Variants in MAPK12 observed in about 807,000 individuals in gnomAD.
MAPK12 encodes the protein mitogen-activated protein kinase 12.
In MAPK12, 49 loss-of-function variants were observed where a neutral mutation model predicts 49.1. The observed-to-expected ratio is 1.00, with a 90% CI of 0.79 to 1.27. The LOEUF is 1.27. Among genes scored for constraint, MAPK12 ranks in the 50% most tolerant of loss-of-function variants. The probability of loss-of-function intolerance (pLI) is 0.00; values close to 1 mark genes in which losing one functional copy is unlikely to be tolerated. For synonymous variants in MAPK12, 251 were observed against 209.7 expected (o/e 1.20, Z -1.70); for missense variants, 554 against 502.4 (o/e 1.10, Z -0.98).
Position 50,255,207 on chromosome 22 carries a change from A to T in MAPK12, c.1014T>A (p.Asp338Glu). 1 of 1,613,664 alleles carries T rather than the reference A, an allele frequency of 6.2e-7. No individual in the cohort carries two copies. The highest frequency in any genetic ancestry group is 8.5e-7 in the Non-Finnish European group (1 of 1,179,948). Residue 338 changes from aspartate (D) to glutamate (E), a missense_variant, in exon 11 of 12, where the codon GAT (aspartate) becomes GAA (glutamate). Transcript: ENST00000215659. ...DSFDDVDRTL[D>E]EWKRVTYKEV... ...GAGCCCCCCACTCACGCTTCCATTC[A>T]TCCAGTGTGCGGTCAACGTCGTCAA...
chr22:50,257,721 C>T, intron 3 of MAPK12: 1 of 632,340 alleles, frequency 1.6e-6, no homozygotes, highest in Admixed American at 2.6e-5. Flanking sequence ...AGGCCACTGA[C>T]TTGACCTCTG....
intron 11 of MAPK12, chr22:50,254,503 T>C (rs1457855973): frequency 8.3e-6 from 2 of 242,352 alleles, no homozygotes; most frequent in African/African-American, 4.7e-5. Flanking sequence ...ATACAAAAAA[T>C]TAGCCAGGCC....
Position 50,256,928 on chromosome 22 carries a change from G to T in MAPK12, c.456+7C>A. 2 of 1,606,032 alleles carry T rather than the reference G, an allele frequency of 1.2e-6. No individual in the cohort carries two copies. Among genetic ancestry groups the T allele is most frequent in the East Asian group, 2.2e-5 (1 of 44,726 alleles). The stretch of plus-strand genomic sequence containing the variant: ...GGCTGATGAGCGGCTTCTCCACCGG[G>T]ACTCACTCTGTGGATGATGCCGGCA... On this transcript the variant is annotated splice_region_variant and intron_variant, in intron 5 of 11. Transcript: ENST00000215659.
At position 50,256,188 on chromosome 22, in the gene MAPK12, G is replaced by C; in HGVS notation, c.516C>G (p.Phe172Leu). ...CACTGTCTGCCTGCCTGGCCAGGCC[G>C]AAGTCCAGGATCTGTGGGAAGAATT... ...NEDCELKILD[F>L]GLARQADSEM... is the part of the protein sequence containing the mutation. The change falls in exon 7 of 12, where the codon TTC (phenylalanine) becomes TTG (leucine). Residue 172 changes from phenylalanine (F) to leucine (L), a missense_variant. Physicochemically the swap from Phe to Leu is conservative, Grantham distance 22. Transcript: ENST00000215659. 6.2e-7 allele frequency: 1 copy of C among 1,612,124 alleles called. No individual in the cohort carries two copies. Among genetic ancestry groups the C allele is most frequent in the South Asian group, 1.1e-5 (1 of 91,028 alleles).
intron 3 of MAPK12, chr22:50,257,534 G>A (rs1162438220): frequency 5.7e-6 from 3 of 525,492 alleles, no homozygotes; most frequent in Non-Finnish European, 1.0e-5. Flanking sequence ...AGAGGCAGCA[G>A]GACTCGAGTC....
At chr22:50,253,635 G>A (rs2065120990) in intron 11 of MAPK12, 155 bp from the exon 12 acceptor site, 2 of 618,098 alleles carry the variant, frequency 3.2e-6, no homozygotes, top group East Asian at 5.5e-5. Context: ...TGTGTGAAGA[G>A]GCCATTGCTC....
Position 50,261,475 on chromosome 22 carries a change from TA to T in MAPK12, c.34del (p.Tyr12ThrfsTer5), listed in dbSNP as rs1443123026. 1.0e-5 allele frequency: 13 copies of T among 1,269,408 alleles called. No homozygotes were observed. Among genetic ancestry groups the T allele is most frequent in the South Asian group, 3.3e-5 (2 of 60,790 alleles). 78.6% of individuals were successfully genotyped at this position (1,269,408 alleles called of 1,614,324 possible). A position where few individuals can be genotyped will look rare whatever the true frequency, so the allele number is the denominator to read the frequency against. Reference sequence around the variant, plus strand: ...GGCCGTCTTGGTCACCTCCTGGCGGTAAAAGCCACTGCGGGCGGGCGGCGGA... The same window carrying T: ...GGCCGTCTTGGTCACCTCCTGGCGGTAAAGCCACTGCGGGCGGGCGGCGGA... ...SSPPPARSGF[Y>X]RQEVTKTAWE... On this transcript the variant is annotated frameshift_variant, in exon 1 of 12. Coordinates refer to ENST00000215659, the MANE Select transcript of MAPK12 (RefSeq NM_002969.6). LOFTEE classifies it high-confidence loss of function.
At chr22:50,260,430 G>C (rs2065199524) in intron 2 of MAPK12, among the ~76,000 whole-genome samples, 1 of 152,102 alleles carries the variant, frequency 6.6e-6, no homozygotes, top group African/African-American at 2.4e-5. Flanking sequence ...GGACAAGTGG[G>C]ACTGTATCCA....
Position 50,252,977 on chromosome 22 carries a change from T to G in MAPK12, c.*424A>C, listed in dbSNP as rs1601637110. 1 of 264,686 alleles carries G rather than the reference T, an allele frequency of 3.8e-6. No individual in the cohort carries two copies. The allele number at this position is 264,686 out of a possible 1,614,324, so 16.4% of individuals were successfully genotyped here. A position where few individuals can be genotyped will look rare whatever the true frequency, so the allele number is the denominator to read the frequency against. ...GCTGATTTACATTCCAGGCTGGGGG[T>G]GCAGGAAGGTCCACTGACGTCGCCC... On this transcript the variant is annotated 3_prime_UTR_variant, in exon 12 of 12. Coordinates refer to ENST00000215659, the MANE Select transcript of MAPK12 (RefSeq NM_002969.6).
chr22:50,253,541 G>A (rs2065120180), intron 11 of MAPK12, 61 bp from the exon 12 acceptor site: 2 of 855,968 alleles, frequency 2.3e-6, no homozygotes, highest in African/African-American at 3.3e-5. Context: ...CTTCCATCCT[G>A]GGAGTCGCTC....
In MAPK12 at chr22:50,255,504, CG is replaced by C; in HGVS notation, c.798del (p.Glu267AsnfsTer11). On this transcript the variant is annotated frameshift_variant, in exon 10 of 12. Transcript: ENST00000215659. LOFTEE classifies it high-confidence loss of function. ...GAGGCAAAATCCTTCTTCTCCAATT[CG>C]GGGAGGCCCTTCATGTAGTTCTTGG... ...DEAKNYMKGLPELEKKDFASI... is the reference protein window; with the variant it reads ...DEAKNYMKGLXELEKKDFASI... The C allele has an allele frequency of 6.2e-7, 1 of 1,613,190 alleles. No homozygotes were observed. Among genetic ancestry groups the C allele is most frequent in the Admixed American group, 1.7e-5 (1 of 60,026 alleles).
Position 50,255,539 on chromosome 22 carries a change from G to T in MAPK12, c.772-8C>A, listed in dbSNP as rs371816587. 27 of 1,613,032 alleles carry T rather than the reference G, an allele frequency of 1.7e-5. No individual in the cohort carries two copies. The highest frequency in any genetic ancestry group is 2.3e-5 in the Non-Finnish European group (27 of 1,180,012). On this transcript the variant is annotated splice_region_variant and splice_polypyrimidine_tract_variant and intron_variant, in intron 9 of 11. Transcript: ENST00000215659. Reference sequence around the variant, plus strand: ...CTTCATGTAGTTCTTGGCCTGTGTGGGAAGAAAGGGTGAGGGGCCAACACC... The same window carrying T: ...CTTCATGTAGTTCTTGGCCTGTGTGTGAAGAAAGGGTGAGGGGCCAACACC...
At chr22:50,259,733 A>T (rs1037872917) in intron 2 of MAPK12, among the ~76,000 whole-genome samples, 1 of 151,818 alleles carries the variant, frequency 6.6e-6, no homozygotes, top group Non-Finnish European at 1.5e-5. Context: ...AAATACAAAA[A>T]ATTAGCCAGG....
chr22:50,257,234 C>G, intron 3 of MAPK12, 41 bp from the exon 4 acceptor site: 1 of 1,524,892 alleles, frequency 6.6e-7, no homozygotes, highest in Non-Finnish European at 9.0e-7. Context: ...ACAGAGCCAG[C>G]CTCTGCATCC....
Position 50,255,181 on chromosome 22 carries a change from G to A in MAPK12, c.1024+16C>T, listed in dbSNP as rs539085118. ...ACTTGGGTCCACACAGGCCGTGCCAGGAGCCCCCCACTCACGCTTCCATTC... is the reference window on the plus strand; with the variant it reads ...ACTTGGGTCCACACAGGCCGTGCCAAGAGCCCCCCACTCACGCTTCCATTC... On this transcript the variant is annotated intron_variant, in intron 11 of 11. Transcript: ENST00000215659. 6.2e-6 allele frequency: 10 copies of A among 1,613,234 alleles called. No individual in the cohort carries two copies. Among genetic ancestry groups the A allele is most frequent in the Non-Finnish European group, 6.8e-6 (8 of 1,179,880 alleles).
rs374262091 is a variant in MAPK12 at position 50,256,693 on chromosome 22, TG to T, written c.457-48del. Reference sequence around the variant, plus strand: ...CCACTGTGCCCCACCCTCCCAAGCATGGGCACAGCCAAGAGCCTGGGTGGCA... The same window carrying T: ...CCACTGTGCCCCACCCTCCCAAGCATGGCACAGCCAAGAGCCTGGGTGGCA... On this transcript the variant is annotated intron_variant, in intron 5 of 11. Coordinates refer to ENST00000215659, the MANE Select transcript of MAPK12 (RefSeq NM_002969.6). 8,081 of 1,583,586 alleles carry T rather than the reference TG, an allele frequency of 5.1e-3. 426 individuals are homozygous for T. The South Asian group carries it at 0.086, about 17-fold the overall frequency.
intron 2 of MAPK12, 200 bp downstream of exon 2, chr22:50,260,967 A>C: frequency 1.9e-6 from 1 of 535,880 alleles, no homozygotes; most frequent in Non-Finnish European, 3.0e-6. Flanking sequence ...CTGGCGGAGG[A>C]TGGGGAACGG....
rs1340866475 is a variant in MAPK12 at position 50,257,420 on chromosome 22, C to A, written c.315-227G>T. The A allele has an allele frequency of 1.9e-5, 11 of 581,026 alleles. No homozygotes were observed. The East Asian group carries it at 3.2e-4, about 17-fold the overall frequency. 36.0% of individuals were successfully genotyped at this position (581,026 alleles called of 1,614,324 possible). The stretch of plus-strand genomic sequence containing the variant: ...TACTGCCAGCAGCGCTCACACCCCC[C>A]TCCCACCCTGAGGACTGTCAGGCAG... On this transcript the variant is annotated intron_variant, in intron 3 of 11. Coordinates refer to ENST00000215659, the MANE Select transcript of MAPK12 (RefSeq NM_002969.6).
intron 7 of MAPK12, 90 bp downstream of exon 7, chr22:50,255,995 C>T: frequency 6.6e-7 from 1 of 1,507,486 alleles, no homozygotes; most frequent in Non-Finnish European, 9.1e-7. Context: ...AACAGCCTCC[C>T]TGGGAGCAGC....
Sources: allele counts gnomAD v4.1 joint callset (sites outside exome capture counted in the v4.1 genomes callset), GRCh38; gene constraint gnomAD v4.1.1; transcripts MANE v1.5; gene names NCBI Gene and HGNC (gene_info 2026-07-23, HGNC 2026-07-21).